The following SHISA6 variants were observed in gnomAD, a reference collection of about 807,000 sequenced individuals.
SHISA6 encodes shisa family member 6, also known as protein shisa-6.
In SHISA6, 22 loss-of-function variants were observed where a neutral mutation model predicts 47.9. That is an observed-to-expected ratio of 0.46 (90% confidence interval 0.33 to 0.66). The LOEUF is 0.66. SHISA6 is among the 30% of genes least tolerant of loss of function. The pLI is 0.02. For missense variants in SHISA6, 680 were observed against 764.6 expected, an observed-to-expected ratio of 0.89 and a Z score of 1.30; for synonymous variants, 388 against 337.8, an observed-to-expected ratio of 1.15 and a Z score of -1.63.
At chr17:11,373,883 T>C (rs1237530186) in intron 2 of SHISA6, among the ~76,000 whole-genome samples, 1 of 152,232 alleles carries the variant, frequency 6.6e-6, no homozygotes, top group Admixed American at 6.5e-5. Context: ...GCCTATCTCC[T>C]TATGCACGTG....
chr17:11,401,763 A>G (rs1027582911), intron 3 of SHISA6, among the ~76,000 whole-genome samples: 1 of 152,202 alleles, frequency 6.6e-6, no homozygotes, highest in African/African-American at 2.4e-5. Context: ...AATTTATACT[A>G]ACGGAGGTTC....
At chr17:11,339,219 T>C (rs530107869) in intron 2 of SHISA6, among the ~76,000 whole-genome samples, 7 of 151,574 alleles carry the variant, frequency 4.6e-5, no homozygotes, top group African/African-American at 1.2e-4. Context: ...TGGCCTGTTA[T>C]ATGTGATGTT....
At chr17:11,445,994 A>AT (rs1486700223) in intron 3 of SHISA6, among the ~76,000 whole-genome samples, 1 of 151,976 alleles carries the variant, frequency 6.6e-6, no homozygotes, top group Non-Finnish European at 1.5e-5. Context: ...CGCCCAGCTA[A>AT]TTTTTGTATT....
chr17:11,525,137 G>A (rs1052706695), intron 3 of SHISA6, among the ~76,000 whole-genome samples: 1 of 152,168 alleles, frequency 6.6e-6, no homozygotes, highest in African/African-American at 2.4e-5. Context: ...AACACGTGGA[G>A]GGGATAGAAT....
At chr17:11,414,726 C>T (rs934133233) in intron 3 of SHISA6, among the ~76,000 whole-genome samples, 3 of 152,178 alleles carry the variant, frequency 2.0e-5, no homozygotes, top group African/African-American at 7.2e-5. Context: ...GATGCAGAAA[C>T]TTGCTGGCCA....
chr17:11,340,675 G>A (rs1567578180), intron 2 of SHISA6, among the ~76,000 whole-genome samples: 2 of 152,158 alleles, frequency 1.3e-5, no homozygotes, highest in African/African-American at 4.8e-5. Flanking sequence ...GCCCAGGAAG[G>A]ATCCAGCTAT....
chr17:11,295,746 G>T (rs1332382703), intron 2 of SHISA6, among the ~76,000 whole-genome samples: 1 of 152,026 alleles, frequency 6.6e-6, no homozygotes, highest in Admixed American at 6.6e-5. Context: ...GGCAGGTCAT[G>T]AGGTCAGGAG....
chr17:11,267,193 T>C (rs1908457288), intron 2 of SHISA6, among the ~76,000 whole-genome samples: 1 of 152,174 alleles, frequency 6.6e-6, no homozygotes, highest in Non-Finnish European at 1.5e-5. Context: ...TTGGTTTGAA[T>C]GTAGAAAACC....
Position 11,558,429 on chromosome 17 carries a change from G to A in SHISA6, c.*125G>A, listed in dbSNP as rs1597587064. The A allele has an allele frequency of 3.4e-6, 4 of 1,167,394 alleles. No individual in the cohort carries two copies. The highest frequency in any genetic ancestry group is 2.6e-5 in the East Asian group (1 of 38,894). The allele number at this position is 1,167,394 out of a possible 1,614,324, so 72.3% of individuals were successfully genotyped here. ...TGTCCCCTCTGTAGGAAGTGGGGGT[G>A]GGCCACCTTTGCCCAAAAAGCCATA... On this transcript the variant is annotated 3_prime_UTR_variant, in exon 6 of 6. Transcript: ENST00000441885.
intron 3 of SHISA6, among the ~76,000 whole-genome samples, chr17:11,463,192 T>A (rs1350955738): frequency 6.6e-6 from 1 of 152,234 alleles, no homozygotes; most frequent in African/African-American, 2.4e-5. Context: ...TAAGCTTGTT[T>A]CCTTATCCAT....
intron 3 of SHISA6, among the ~76,000 whole-genome samples, chr17:11,413,299 A>T (rs1252569807): frequency 6.6e-6 from 1 of 152,238 alleles, no homozygotes; most frequent in Non-Finnish European, 1.5e-5. Context: ...AAAACCAGGC[A>T]TAAACAAACA....
intron 3 of SHISA6, among the ~76,000 whole-genome samples, chr17:11,421,795 T>C (rs1914457983): frequency 6.6e-6 from 1 of 152,004 alleles, no homozygotes; most frequent in African/African-American, 2.4e-5. Context: ...GTGTTAAGAG[T>C]AGATTGGAGA....
At chr17:11,425,491 T>C (rs1742001479) in intron 3 of SHISA6, among the ~76,000 whole-genome samples, 1 of 152,136 alleles carries the variant, frequency 6.6e-6, no homozygotes, top group Non-Finnish European at 1.5e-5. Context: ...TTCCTCTGCC[T>C]CCAATTTTTC....
At chr17:11,462,519 C>T (rs1436044951) in intron 3 of SHISA6, among the ~76,000 whole-genome samples, 1 of 152,180 alleles carries the variant, frequency 6.6e-6, no homozygotes, top group African/African-American at 2.4e-5. Flanking sequence ...GCTACTACTA[C>T]CATCAATATG....
chr17:11,546,244 G>A (rs1340769016), intron 3 of SHISA6, among the ~76,000 whole-genome samples: 6 of 152,128 alleles, frequency 3.9e-5, no homozygotes, highest in Non-Finnish European at 5.9e-5. Context: ...AATTTCTGGA[G>A]TAGGGACTTG....
At chr17:11,494,690 C>T (rs1295458984) in intron 3 of SHISA6, among the ~76,000 whole-genome samples, 1 of 152,148 alleles carries the variant, frequency 6.6e-6, no homozygotes, top group Non-Finnish European at 1.5e-5. Flanking sequence ...GGCTGCCAGG[C>T]TGAGGAGTTT....
At chr17:11,387,023 C>T (rs1436625995) in intron 3 of SHISA6, among the ~76,000 whole-genome samples, 2 of 152,144 alleles carry the variant, frequency 1.3e-5, no homozygotes, top group Non-Finnish European at 2.9e-5. Flanking sequence ...CCTGCAGAAC[C>T]CAGAGAAGTA....
At position 11,460,610 on chromosome 17, in the gene SHISA6, C is replaced by T. The variant is rs144347078; in HGVS notation, c.895+81101C>T. ...TTCTCCATGTTGGTCAGGCTGGTCT[C>T]GAACTCCTGCCCTTAGGTGATCTGC... On this transcript the variant is annotated intron_variant, in intron 3 of 5. Transcript: ENST00000441885. Among the ~76,000 whole-genome samples the T allele has an allele frequency of 7.3e-3, 1,118 of 152,232 alleles. 19 individuals are homozygous for T. The highest frequency in any genetic ancestry group is 0.026 in the African/African-American group (1,062 of 41,512).
chr17:11,327,470 A>G (rs893114189), intron 2 of SHISA6, among the ~76,000 whole-genome samples: 2 of 152,228 alleles, frequency 1.3e-5, no homozygotes, highest in African/African-American at 2.4e-5. Flanking sequence ...AAGCATCTCT[A>G]TCTACTTTAT....
Sources: gnomAD v4.1 joint callset for allele counts (sites outside exome capture counted in the v4.1 genomes callset) on GRCh38, gnomAD v4.1.1 for gene constraint, MANE v1.5 for transcripts, NCBI Gene and HGNC (gene_info 2026-07-23, HGNC 2026-07-21) for gene names.